Variants in RUNX2 observed in about 807,000 individuals in gnomAD.
RUNX2 encodes runt-related transcription factor 2.
Under a neutral mutation model 51.7 loss-of-function variants are expected in RUNX2, and 10 were observed. The ratio of observed to expected loss-of-function variants is 0.19; its 90% confidence interval spans 0.12 to 0.33. The LOEUF (loss-of-function observed/expected upper bound fraction) is 0.33, where lower values mean the gene tolerates loss of function less well. RUNX2 is among the 10% of genes least tolerant of loss of function. The pLI, the probability that RUNX2 is intolerant of heterozygous loss-of-function variation, is 1.00. For missense variants in RUNX2, 562 were observed against 691.3 expected, an observed-to-expected ratio of 0.81 and a Z score of 2.10; for synonymous variants, 276 against 273.6, an observed-to-expected ratio of 1.01 and a Z score of -0.09.
intron 2 of RUNX2, among the ~76,000 whole-genome samples, chr6:45,412,734 C>A (rs972205477): frequency 6.6e-6 from 1 of 151,566 alleles, no homozygotes; most frequent in African/African-American, 2.4e-5. Context: ...GGAACTGCCC[C>A]TTTTATTGTT....
chr6:45,338,941 A>T (rs935499550), intron 2 of RUNX2, among the ~76,000 whole-genome samples: 6 of 152,168 alleles, frequency 3.9e-5, no homozygotes, highest in Non-Finnish European at 8.8e-5. Context: ...CTGAAGACAC[A>T]TAAGTATAAA....
intron 2 of RUNX2, chr6:45,372,142 G>A (rs1796155256): frequency 2.1e-6 from 1 of 481,206 alleles, no homozygotes; most frequent in Non-Finnish European, 2.7e-6. Context: ...GCAGTAAAGA[G>A]CTAGGCTCTG....
chr6:45,358,769 A>G (rs1437747712), intron 2 of RUNX2, among the ~76,000 whole-genome samples: 1 of 152,204 alleles, frequency 6.6e-6, no homozygotes, highest in African/African-American at 2.4e-5. Flanking sequence ...TAATACTTTC[A>G]GCAGAGTCTA....
intron 2 of RUNX2, among the ~76,000 whole-genome samples, chr6:45,363,290 G>C (rs1263071241): frequency 6.6e-6 from 1 of 152,042 alleles, no homozygotes; most frequent in African/African-American, 2.4e-5. Context: ...TTCTGCTATA[G>C]GACATCTGTT....
At position 45,548,202 on chromosome 6, in the gene RUNX2, A is replaced by G. The variant is rs1802463348; in HGVS notation, c.*897A>G. On this transcript the variant is annotated 3_prime_UTR_variant, in exon 9 of 9. Coordinates refer to ENST00000647337, the MANE Select transcript of RUNX2 (RefSeq NM_001024630.4). ...TGAATGGTCATATAACTTTAAAGAT[A>G]TATTTATAATTATTTAATGACATTT... The G allele has an allele frequency of 6.6e-6, 1 of 152,572 alleles. No homozygotes were observed. Among genetic ancestry groups the G allele is most frequent in the African/African-American group, 2.4e-5 (1 of 41,426 alleles). 9.5% of individuals were successfully genotyped at this position (152,572 alleles called of 1,614,324 possible).
intron 5 of RUNX2, among the ~76,000 whole-genome samples, chr6:45,480,206 C>T (rs1800070069): frequency 6.6e-6 from 1 of 152,180 alleles, no homozygotes; most frequent in African/African-American, 2.4e-5. Context: ...AACGCTATTC[C>T]ATTGGAAAGC....
intron 6 of RUNX2, among the ~76,000 whole-genome samples, chr6:45,496,362 A>G (rs985467829): frequency 4.6e-5 from 7 of 152,178 alleles, no homozygotes; most frequent in Non-Finnish European, 8.8e-5. Context: ...GCATTGATGC[A>G]AGTGAGTGAG....
intron 7 of RUNX2, among the ~76,000 whole-genome samples, chr6:45,535,687 A>C (rs1802009395): frequency 6.6e-6 from 1 of 152,152 alleles, no homozygotes; most frequent in Non-Finnish European, 1.5e-5. Context: ...CTGTGGGCTA[A>C]AGCAGGAATA....
At chr6:45,379,209 G>A (rs1365519645) in intron 2 of RUNX2, among the ~76,000 whole-genome samples, 1 of 152,142 alleles carries the variant, frequency 6.6e-6, no homozygotes, top group Non-Finnish European at 1.5e-5. Context: ...GATATATTTA[G>A]GATGTGAGAG....
intron 4 of RUNX2, among the ~76,000 whole-genome samples, chr6:45,436,387 A>G (rs1166418167): frequency 1.3e-5 from 2 of 152,122 alleles, no homozygotes; most frequent in Non-Finnish European, 2.9e-5. Context: ...ACTTGGGTAA[A>G]TTACTAAGTC....
At position 45,438,008 on chromosome 6, in the gene RUNX2, C is replaced by G. The variant is rs774518258; in HGVS notation, c.642C>G (p.His214Gln). Residue 214 changes from histidine to glutamine, a missense_variant, in exon 5 of 9, where the codon CAC becomes CAG. Transcript: ENST00000647337. Reference sequence around the variant, plus strand: ...ATCCTCCCCAAGTAGCTACCTATCACAGAGCAATTAAAGTTACAGTAGATG... The same window carrying G: ...ATCCTCCCCAAGTAGCTACCTATCAGAGAGCAATTAAAGTTACAGTAGATG... ...FTNPPQVATY[H>Q]RAIKVTVDGP... 2 of 1,613,458 alleles carry G rather than the reference C, an allele frequency of 1.2e-6. No homozygotes were observed. The highest frequency in any genetic ancestry group is 2.2e-5 in the South Asian group (2 of 91,076).
chr6:45,370,081 A>C (rs1366552799), intron 2 of RUNX2, among the ~76,000 whole-genome samples: 1 of 152,204 alleles, frequency 6.6e-6, no homozygotes, highest in Non-Finnish European at 1.5e-5. Context: ...GAAATGTTTT[A>C]GGTTTAAAAA....
intron 2 of RUNX2, among the ~76,000 whole-genome samples, chr6:45,333,113 T>A (rs1400218748): frequency 6.6e-6 from 1 of 151,746 alleles, no homozygotes; most frequent in Non-Finnish European, 1.5e-5. Context: ...GATGTTAGTA[T>A]CTTAAAACAA....
chr6:45,356,371 C>T (rs932375977), intron 2 of RUNX2, among the ~76,000 whole-genome samples: 4 of 151,802 alleles, frequency 2.6e-5, no homozygotes, highest in African/African-American at 7.3e-5. Flanking sequence ...CATCTTAAAA[C>T]ACATTGGAAT....
At chr6:45,370,831 C>T (rs1375799358) in intron 2 of RUNX2, among the ~76,000 whole-genome samples, 1 of 152,126 alleles carries the variant, frequency 6.6e-6, no homozygotes, top group African/African-American at 2.4e-5. Context: ...ACAGGAGTTT[C>T]TAGCATATCC....
At chr6:45,510,868 C>T (rs1367814853) in intron 6 of RUNX2, among the ~76,000 whole-genome samples, 5 of 152,048 alleles carry the variant, frequency 3.3e-5, no homozygotes, top group African/African-American at 4.8e-5. Flanking sequence ...TGCTGCCCCT[C>T]CTTCCTCACC....
chr6:45,520,955 A>G (rs1295265739), intron 7 of RUNX2, among the ~76,000 whole-genome samples: 1 of 152,076 alleles, frequency 6.6e-6, no homozygotes, highest in Admixed American at 6.5e-5. Context: ...ACCTCAGTTG[A>G]TCCACCCGCC....
intron 2 of RUNX2, among the ~76,000 whole-genome samples, chr6:45,420,001 G>T (rs1322805471): frequency 2.6e-5 from 4 of 152,152 alleles, no homozygotes; most frequent in African/African-American, 9.7e-5. Flanking sequence ...GTGGGAAAGG[G>T]AAAGACCGAC....
intron 6 of RUNX2, among the ~76,000 whole-genome samples, chr6:45,494,691 G>A (rs1338271780): frequency 2.6e-5 from 4 of 152,142 alleles, no homozygotes; most frequent in Non-Finnish European, 5.9e-5. Flanking sequence ...GAGATGCAGT[G>A]TTCTACTGTG....
Sources: gnomAD v4.1 joint callset for allele counts (sites outside exome capture counted in the v4.1 genomes callset) on GRCh38, gnomAD v4.1.1 for gene constraint, MANE v1.5 for transcripts, NCBI Gene and HGNC (gene_info 2026-07-23, HGNC 2026-07-21) for gene names.